Variants in GLRA3 observed in about 807,000 individuals in gnomAD.
GLRA3 encodes the protein glycine receptor alpha 3, also known as glycine receptor subunit alpha-3.
A neutral mutation model predicts 60.4 loss-of-function variants in GLRA3; 44 were observed. That is an observed-to-expected ratio of 0.73 (90% confidence interval 0.57 to 0.94). The LOEUF (loss-of-function observed/expected upper bound fraction) is 0.94, where lower values mean the gene tolerates loss of function less well. Ranked by LOEUF, GLRA3 falls within the 40% of genes least tolerant of loss-of-function variation. The probability of loss-of-function intolerance (pLI) is 0.00; values close to 1 mark genes in which losing one functional copy is unlikely to be tolerated. For missense variants in GLRA3, 508 were observed against 564.6 expected, an observed-to-expected ratio of 0.90 and a Z score of 1.02; for synonymous variants, 223 against 192.9, an observed-to-expected ratio of 1.16 and a Z score of -1.29.
chr4:174,779,418 C>T (rs1251163509), intron 2 of GLRA3, among the ~76,000 whole-genome samples: 1 of 152,184 alleles, frequency 6.6e-6, no homozygotes, highest in African/African-American at 2.4e-5. Context: ...TCTCCTCTTC[C>T]AAAGGAACAC....
At chr4:174,792,393 C>A (rs927184626) in intron 1 of GLRA3, among the ~76,000 whole-genome samples, 1 of 151,972 alleles carries the variant, frequency 6.6e-6, no homozygotes, top group Non-Finnish European at 1.5e-5. Flanking sequence ...CTTATAAGCA[C>A]ACAAGGCATA....
chr4:174,767,095 C>T (rs891555314), intron 2 of GLRA3, 65 bp from the exon 3 acceptor site: 3 of 797,458 alleles, frequency 3.8e-6, no homozygotes, highest in African/African-American at 1.7e-5. Context: ...CAAATAATTC[C>T]TTGCATTCCA....
intron 4 of GLRA3, among the ~76,000 whole-genome samples, chr4:174,717,223 AAAAAG>A (rs1735957710): frequency 6.7e-6 from 1 of 149,466 alleles, no homozygotes; most frequent in Admixed American, 6.7e-5. Context: ...TAAAAAAAAA[AAAAAG>A]AAAGGAAGGC....
intron 5 of GLRA3, among the ~76,000 whole-genome samples, chr4:174,710,266 C>T (rs1735669684): frequency 6.6e-6 from 1 of 151,998 alleles, no homozygotes. Context: ...TTTGTACAAA[C>T]ATTCCTAATT....
At chr4:174,745,061 A>G (rs558205537) in intron 3 of GLRA3, among the ~76,000 whole-genome samples, 1 of 152,300 alleles carries the variant, frequency 6.6e-6, no homozygotes, top group East Asian at 1.9e-4. Context: ...AGAAGAAAGA[A>G]CCACAGAACT....
At chr4:174,683,133 C>G (rs1052567514) in intron 5 of GLRA3, among the ~76,000 whole-genome samples, 194 bp from the exon 6 acceptor site, 1 of 152,084 alleles carries the variant, frequency 6.6e-6, no homozygotes, top group Admixed American at 6.6e-5. Context: ...GGAACTCCCA[C>G]CAAATAATAT....
intron 6 of GLRA3, among the ~76,000 whole-genome samples, chr4:174,681,781 T>C (rs1734355446): frequency 6.6e-6 from 1 of 152,192 alleles, no homozygotes; most frequent in Non-Finnish European, 1.5e-5. Context: ...AAGCCAACTC[T>C]AGGGGATTTT....
chr4:174,745,070 C>T (rs1280163823), intron 3 of GLRA3, among the ~76,000 whole-genome samples: 1 of 152,034 alleles, frequency 6.6e-6, no homozygotes, highest in Non-Finnish European at 1.5e-5. Flanking sequence ...AACCACAGAA[C>T]TTGAAGACAG....
At chr4:174,771,596 T>C (rs1169848557) in intron 2 of GLRA3, among the ~76,000 whole-genome samples, 2 of 152,078 alleles carry the variant, frequency 1.3e-5, no homozygotes, top group African/African-American at 4.8e-5. Flanking sequence ...GTAAATAAAA[T>C]GCTGATGGGG....
Position 174,640,200 on chromosome 4 carries a change from C to T in GLRA3, c.*3586G>A, listed in dbSNP as rs150778069. On this transcript the variant is annotated 3_prime_UTR_variant, in exon 10 of 10. Coordinates refer to ENST00000274093, the MANE Select transcript of GLRA3 (RefSeq NM_006529.4). Reference sequence around the variant, plus strand: ...CTCAAGGATTGTTAATGATATCTGTCTAAGGATCATTAGATACATTTTTGT... The same window carrying T: ...CTCAAGGATTGTTAATGATATCTGTTTAAGGATCATTAGATACATTTTTGT... The T allele has an allele frequency of 7.9e-5, 12 of 152,160 alleles. No individual in the cohort carries two copies. Among genetic ancestry groups the T allele is most frequent in the African/African-American group, 2.9e-4 (12 of 41,544 alleles). The allele number at this position is 152,160 out of a possible 1,614,324, so 9.4% of individuals were successfully genotyped here.
At chr4:174,826,894 A>G (rs981563189) in intron 1 of GLRA3, among the ~76,000 whole-genome samples, 10 of 142,662 alleles carry the variant, frequency 7.0e-5, no homozygotes, top group Admixed American at 4.9e-4. Context: ...TTTTTTCTAT[A>G]GGAAATCCTC....
chr4:174,806,565 T>A (rs1318836877), intron 1 of GLRA3, among the ~76,000 whole-genome samples: 1 of 152,112 alleles, frequency 6.6e-6, no homozygotes, highest in Non-Finnish European at 1.5e-5. Flanking sequence ...AAGGCTTTAT[T>A]TCCTTGTCGT....
intron 6 of GLRA3, 102 bp downstream of exon 6, chr4:174,682,700 T>C (rs1734397088): frequency 5.2e-6 from 4 of 775,850 alleles, no homozygotes; most frequent in South Asian, 2.4e-5. Context: ...AAGAAAAACA[T>C]TGATCTATGA....
chr4:174,714,124 A>T lies in GLRA3; in HGVS notation c.574+1364T>A, dbSNP rs367900752. On this transcript the variant is annotated intron_variant, in intron 5 of 9. Transcript: ENST00000274093. ...GTTCTTTTTCTGGAAAATTATGAAA[A>T]CTTCTTAAACAATCTTGGTTCATTT... Among the ~76,000 whole-genome samples, 15 of 152,308 alleles carry T rather than the reference A, an allele frequency of 9.8e-5. No homozygotes were observed. In the East Asian group the frequency reaches 2.9e-3, roughly 29 times the overall value.
At chr4:174,795,234 C>T (rs1021751716) in intron 1 of GLRA3, among the ~76,000 whole-genome samples, 4 of 151,896 alleles carry the variant, frequency 2.6e-5, no homozygotes, top group African/African-American at 9.7e-5. Context: ...TTGGTAAATA[C>T]CTTTAGAAAG....
intron 2 of GLRA3, among the ~76,000 whole-genome samples, chr4:174,777,396 G>C (rs1393721322): frequency 6.6e-6 from 1 of 152,082 alleles, no homozygotes; most frequent in Non-Finnish European, 1.5e-5. Context: ...AAGACACAGA[G>C]GAACCTGAAA....
chr4:174,700,661 G>A (rs1039524126), intron 5 of GLRA3, among the ~76,000 whole-genome samples: 4 of 152,176 alleles, frequency 2.6e-5, no homozygotes, highest in Admixed American at 1.3e-4. Context: ...AGTTAACCAA[G>A]TTATGATGGT....
intron 2 of GLRA3, among the ~76,000 whole-genome samples, chr4:174,772,971 G>T (rs866522641): frequency 6.6e-6 from 1 of 152,162 alleles, no homozygotes; most frequent in Non-Finnish European, 1.5e-5. Flanking sequence ...TGGTGCACAT[G>T]AGATTAGTGC....
chr4:174,711,729 G>A (rs756750755), intron 5 of GLRA3, among the ~76,000 whole-genome samples: 2 of 151,912 alleles, frequency 1.3e-5, no homozygotes, highest in Non-Finnish European at 2.9e-5. Flanking sequence ...CGTGAGCCAC[G>A]GCATATTGAT....
Sources: allele counts gnomAD v4.1 joint callset (sites outside exome capture counted in the v4.1 genomes callset), GRCh38; gene constraint gnomAD v4.1.1; transcripts MANE v1.5; gene names NCBI Gene and HGNC (gene_info 2026-07-23, HGNC 2026-07-21).